The following PLEKHA7 variants were observed in gnomAD, a reference collection of about 807,000 sequenced individuals.
The protein encoded by PLEKHA7 is pleckstrin homology domain-containing family A member 7.
In PLEKHA7, 104 loss-of-function variants were observed where a neutral mutation model predicts 170.0. That is an observed-to-expected ratio of 0.61 (90% CI 0.52 to 0.72). The LOEUF is 0.72. Ranked by LOEUF, PLEKHA7 falls within the 30% of genes least tolerant of loss-of-function variation. The pLI is 0.00. For missense variants in PLEKHA7, 1,615 were observed against 1,671.7 expected (o/e 0.97, Z 0.59); for synonymous variants, 648 against 660.8 (o/e 0.98, Z 0.30).
intron 17 of PLEKHA7, among the ~76,000 whole-genome samples, chr11:16,795,883 T>G (rs1028619911): frequency 8.0e-6 from 1 of 125,090 alleles, no homozygotes; most frequent in Admixed American, 1.0e-4. Flanking sequence ...GAGATGGAGT[T>G]TCACTCCTGT....
intron 18 of PLEKHA7, 50 bp downstream of exon 18, chr11:16,794,860 C>T: frequency 6.5e-7 from 1 of 1,536,360 alleles, no homozygotes; most frequent in Non-Finnish European, 9.0e-7. Flanking sequence ...ACCCTCCCAC[C>T]ACCCTGCCCC....
intron 3 of PLEKHA7, among the ~76,000 whole-genome samples, chr11:16,938,135 T>C (rs1860436714): frequency 6.6e-6 from 1 of 152,144 alleles, no homozygotes; most frequent in South Asian, 2.1e-4. Context: ...TTGTATCTAG[T>C]GTTCATGGAC....
At chr11:16,958,506 A>G (rs537287119) in intron 3 of PLEKHA7, among the ~76,000 whole-genome samples, 1 of 152,312 alleles carries the variant, frequency 6.6e-6, no homozygotes, top group South Asian at 2.1e-4. Context: ...TAGACATGCA[A>G]ACAGCCACAA....
At chr11:16,972,697 A>T (rs1298914914) in intron 3 of PLEKHA7, among the ~76,000 whole-genome samples, 3 of 152,198 alleles carry the variant, frequency 2.0e-5, no homozygotes, top group Admixed American at 1.3e-4. Context: ...CTGGGATTAC[A>T]GGTGTGAGCC....
At chr11:16,875,972 CG>C (rs1855261152) in intron 3 of PLEKHA7, among the ~76,000 whole-genome samples, 1 of 151,940 alleles carries the variant, frequency 6.6e-6, no homozygotes. Flanking sequence ...CTGTGTTCCC[CG>C]CACACCACCA....
intron 3 of PLEKHA7, among the ~76,000 whole-genome samples, chr11:16,916,201 A>G (rs1218046281): frequency 1.3e-5 from 2 of 152,240 alleles, no homozygotes; most frequent in Admixed American, 6.5e-5. Context: ...CCCACTTGTT[A>G]ATGGGGTTGT....
At chr11:16,974,199 C>T (rs6416172) in intron 3 of PLEKHA7, among the ~76,000 whole-genome samples, 66,675 of 150,248 alleles carry the variant, frequency 0.44, 16,393 homozygotes, top group African/African-American at 0.64. Flanking sequence ...CCAGGGAGGT[C>T]GAGGCTGCAG....
chr11:16,922,728 TA>T (rs995923613), intron 3 of PLEKHA7, among the ~76,000 whole-genome samples: 2 of 152,104 alleles, frequency 1.3e-5, no homozygotes, highest in Non-Finnish European at 2.9e-5. Context: ...CCATCCCAGG[TA>T]AAGGCTCCCT....
At chr11:16,928,437 C>A (rs1367643179) in intron 3 of PLEKHA7, among the ~76,000 whole-genome samples, 1 of 151,372 alleles carries the variant, frequency 6.6e-6, no homozygotes, top group African/African-American at 2.4e-5. Context: ...TTGGTTTTGC[C>A]CCCAGATTTT....
rs539103162 is a variant in PLEKHA7 at position 16,789,072 on chromosome 11, G to A, written c.3357+24C>T. 6.9e-5 allele frequency: 110 copies of A among 1,594,444 alleles called. No individual in the cohort carries two copies. The highest frequency in any genetic ancestry group is 6.3e-4 in the South Asian group (57 of 90,316). On this transcript the variant is annotated intron_variant, in intron 23 of 26. Transcript: ENST00000531066. This position sits in a 1 kb window ranked among gnomAD's most constrained non-coding sequence, Gnocchi z 4.6. ...GCACTCGGCTCCCTGTCCCTGCCCC[G>A]CTGCCTGGCCCCTCCTAACATACTG... is the stretch of plus-strand genomic sequence containing the variant.
rs576350717 is a variant in PLEKHA7, at chr11:16,825,730, A to C, written c.1343+390T>G. Among the ~76,000 whole-genome samples, 309 of 116,200 alleles carry C rather than the reference A, an allele frequency of 2.7e-3. 3 individuals are homozygous for C. The highest frequency in any genetic ancestry group is 0.023 in the Admixed American group (247 of 10,808). The allele number at this position is 116,200 out of a possible 152,430, so 76.2% of individuals were successfully genotyped here. On this transcript the variant is annotated intron_variant, in intron 10 of 26. Transcript: ENST00000531066. ...ATCTGTATTTACTCTAGTTTCTATA[A>C]ACATTTTTTTGGATGTAGAGAAGTA...
chr11:16,919,779 G>C (rs1391657602), intron 3 of PLEKHA7, among the ~76,000 whole-genome samples: 4 of 151,698 alleles, frequency 2.6e-5, no homozygotes, highest in Non-Finnish European at 5.9e-5. Context: ...ATAAACAAAA[G>C]ATTCTAAGCA....
chr11:16,898,130 A>T (rs16933675), intron 3 of PLEKHA7, among the ~76,000 whole-genome samples: 1 of 152,092 alleles, frequency 6.6e-6, no homozygotes, highest in Admixed American at 6.6e-5. Flanking sequence ...CTTTCCATGA[A>T]GTCACATGAT....
chr11:16,863,481 C>G (rs890213033), intron 4 of PLEKHA7, among the ~76,000 whole-genome samples: 1 of 152,160 alleles, frequency 6.6e-6, no homozygotes, highest in African/African-American at 2.4e-5. Context: ...CAGCTGGCGT[C>G]TCAGCACACA....
chr11:17,002,450 CA>C (rs1338025410), intron 3 of PLEKHA7, among the ~76,000 whole-genome samples: 2 of 151,650 alleles, frequency 1.3e-5, no homozygotes, highest in African/African-American at 4.8e-5. Context: ...ATGAGAGCCA[CA>C]AGGCACCATG....
In PLEKHA7 at chr11:16,791,532, C is replaced by T. The variant is rs1847855153; in HGVS notation, c.2746-333G>A. ...CCCTCCGCTCATCTGGAGTGCACAT[C>T]GCAGGCAGGCTGCTAACCCTGCCCT... On this transcript the variant is annotated intron_variant, in intron 19 of 26. Transcript: ENST00000531066. This position sits in a 1 kb window ranked among gnomAD's most constrained non-coding sequence, Gnocchi z 4.5. 9.6e-6 allele frequency: 5 copies of T among 520,876 alleles called. No homozygotes were observed. Among genetic ancestry groups the T allele is most frequent in the South Asian group, 4.6e-5 (3 of 65,114 alleles). 32.3% of individuals were successfully genotyped at this position (520,876 alleles called of 1,614,324 possible).
At chr11:16,945,930 C>G (rs1378860607) in intron 3 of PLEKHA7, among the ~76,000 whole-genome samples, 1 of 152,248 alleles carries the variant, frequency 6.6e-6, no homozygotes, top group Admixed American at 6.5e-5. Context: ...GCCTTCCCAT[C>G]TAGGTAACCG....
rs111538487 is a variant in PLEKHA7, at chr11:16,850,010, T to C, written c.696+1181A>G. On this transcript the variant is annotated intron_variant, in intron 8 of 26. Coordinates refer to ENST00000531066, the MANE Select transcript of PLEKHA7 (RefSeq NM_001329630.2). ...GACTTTCCAACCACCAGCACCACTA[T>C]GGCTCCAGATCAAGGTGTTGATAGA... Among the ~76,000 whole-genome samples the C allele has an allele frequency of 4.6e-3, 697 of 152,282 alleles. 6 individuals carry two copies. Among genetic ancestry groups the C allele is most frequent in the African/African-American group, 0.016 (663 of 41,544 alleles).
chr11:17,002,236 G>A (rs562438965), intron 3 of PLEKHA7, among the ~76,000 whole-genome samples: 3 of 152,194 alleles, frequency 2.0e-5, no homozygotes, highest in East Asian at 1.9e-4. Context: ...CCTAGAGGGA[G>A]GAATCAGTAG....
Sources: allele counts gnomAD v4.1 joint callset (sites outside exome capture counted in the v4.1 genomes callset), GRCh38; gene constraint gnomAD v4.1.1; non-coding constraint Gnocchi (gnomAD v3.1); transcripts MANE v1.5; gene names NCBI Gene and HGNC (gene_info 2026-07-23, HGNC 2026-07-21).